Variants in AHRR observed in about 807,000 individuals in gnomAD.
AHRR encodes aryl hydrocarbon receptor repressor.
In AHRR, 28 loss-of-function variants were observed where a neutral mutation model predicts 44.0. The ratio of observed to expected loss-of-function variants is 0.64; its 90% CI spans 0.47 to 0.87. The LOEUF (loss-of-function observed/expected upper bound fraction) is 0.87. Ranked by LOEUF, AHRR falls within the 40% of genes least tolerant of loss-of-function variation. AHRR has a pLI of 0.00. For synonymous variants in AHRR, 434 were observed against 407.0 expected, an observed-to-expected ratio of 1.07 and a Z score of -0.80; for missense variants, 990 against 953.9, an observed-to-expected ratio of 1.04 and a Z score of -0.50.
chr5:352,380 G>T (rs551595927), intron 2 of AHRR, among the ~76,000 whole-genome samples: 1 of 150,698 alleles, frequency 6.6e-6, no homozygotes, highest in Admixed American at 6.6e-5. Context: ...GGTTAAATGG[G>T]TCAGCTGTAG....
At chr5:389,949 G>C (rs1195440579) in intron 4 of AHRR, among the ~76,000 whole-genome samples, 1 of 133,756 alleles carries the variant, frequency 7.5e-6, no homozygotes, top group African/African-American at 2.8e-5. Flanking sequence ...AAGGGAGGGA[G>C]GGGGAGGGGA....
At chr5:373,940 G>A (rs1178090882) in intron 3 of AHRR, among the ~76,000 whole-genome samples, 1 of 151,360 alleles carries the variant, frequency 6.6e-6, no homozygotes, top group Non-Finnish European at 1.5e-5. Flanking sequence ...GGGGGAAGTG[G>A]GCGGGCGCCC....
intron 3 of AHRR, among the ~76,000 whole-genome samples, chr5:359,732 G>A (rs747661166): frequency 6.6e-6 from 1 of 152,086 alleles, no homozygotes; most frequent in Admixed American, 6.5e-5. Context: ...CCCCTCCTGG[G>A]GTCAGTCCTG....
chr5:361,518 C>G (rs1236256332), intron 3 of AHRR, among the ~76,000 whole-genome samples: 2 of 152,204 alleles, frequency 1.3e-5, no homozygotes, highest in African/African-American at 4.8e-5. Context: ...ACCACAGGCA[C>G]AGGGCAGGGC....
intron 4 of AHRR, among the ~76,000 whole-genome samples, chr5:390,613 G>T (rs1015441674): frequency 6.6e-6 from 1 of 152,170 alleles, no homozygotes; most frequent in African/African-American, 2.4e-5. Flanking sequence ...CCTGAGAGAC[G>T]CCGGGGGTCA....
At chr5:375,457 G>A (rs1173347674) in intron 3 of AHRR, among the ~76,000 whole-genome samples, 1 of 152,196 alleles carries the variant, frequency 6.6e-6, no homozygotes, top group Non-Finnish European at 1.5e-5. Flanking sequence ...CGCGGAAGTG[G>A]GCAGATCCGG....
chr5:397,743 T>TCCTGACCGTCCATGTTAGCC (rs1734800850), intron 4 of AHRR, among the ~76,000 whole-genome samples: 7 of 75,652 alleles, frequency 9.3e-5, no homozygotes, highest in Admixed American at 6.9e-4. Context: ...TCCACGTAGC[T>TCCTGACCGTCCATGTTAGCC]CCTGACCGTC....
rs921549696 is a variant in AHRR, at chr5:326,947, T to C, written c.-11+5128T>C. On this transcript the variant is annotated intron_variant, in intron 1 of 10. Coordinates refer to ENST00000684583, the MANE Select transcript of AHRR (RefSeq NM_001377236.1). This position sits in a 1 kb window ranked among gnomAD's most constrained non-coding sequence, Gnocchi z 4.1. ...GGTGGCACGCGCCTGTAGTCCCAGC[T>C]ACTCAGGAGGCTGAGGCAGGAGAAT... is the stretch of plus-strand genomic sequence containing the variant. Among the ~76,000 whole-genome samples, 5 of 152,046 alleles carry C rather than the reference T, an allele frequency of 3.3e-5. No individual in the cohort carries two copies. Among genetic ancestry groups the C allele is most frequent in the Non-Finnish European group, 5.9e-5 (4 of 68,002 alleles).
chr5:413,228 G>A (rs1264137870), intron 4 of AHRR, 116 bp from the exon 5 acceptor site: 9 of 685,780 alleles, frequency 1.3e-5, no homozygotes, highest in African/African-American at 1.8e-5. Flanking sequence ...TAGAGGTTAT[G>A]AATATGGACT....
At chr5:423,286 C>T (rs949099192) in intron 6 of AHRR, among the ~76,000 whole-genome samples, 3 of 152,216 alleles carry the variant, frequency 2.0e-5, no homozygotes, top group Admixed American at 6.5e-5. Flanking sequence ...CCCCTTTTCA[C>T]AGAAGACCCC....
In AHRR at chr5:387,279, A is replaced by G. The variant is rs1233273056; in HGVS notation, c.351+10563A>G. 1.3e-5 allele frequency among the ~76,000 whole-genome samples: 2 copies of G among 152,158 alleles called. No individual in the cohort carries two copies. The highest frequency in any genetic ancestry group is 2.9e-5 in the Non-Finnish European group (2 of 68,032). On this transcript the variant is annotated intron_variant, in intron 4 of 10. Transcript: ENST00000684583. The surrounding 1 kb of genome is among the most constrained non-coding windows in gnomAD (Gnocchi z 5.1). ...TCCCCCACCCTGCTGCCTCCTGGGG[A>G]TGACTCCTGGTCTTCTGATGAGAAA...
chr5:401,898 G>T (rs1248804456), intron 4 of AHRR, among the ~76,000 whole-genome samples: 3 of 152,222 alleles, frequency 2.0e-5, no homozygotes, highest in African/African-American at 7.2e-5. Context: ...ACCTACAGAG[G>T]AGGAGTATTC....
chr5:376,552 A>ATGAGACCCGTGGGGGGAACGCGGG, intron 3 of AHRR, 58 bp from the exon 4 acceptor site: 1 of 1,409,246 alleles, frequency 7.1e-7, no homozygotes, highest in Non-Finnish European at 9.6e-7. Context: ...ATGTGAATGA[A>ATGAGACCCGTGGGGGGAACGCGGG]GAAGAGTGGC....
intron 8 of AHRR, among the ~76,000 whole-genome samples, chr5:431,423 G>A (rs72717418): frequency 0.14 from 21,055 of 152,214 alleles, 1,892 homozygotes; most frequent in Non-Finnish European, 0.19. Context: ...AAGGCTTTTG[G>A]AATTCTCCCC....
chr5:336,837 T>C (rs4957023), intron 1 of AHRR, among the ~76,000 whole-genome samples: 54,222 of 152,030 alleles, frequency 0.36, 12,078 homozygotes, highest in South Asian at 0.51. Flanking sequence ...ATTTTTTTCA[T>C]ATTGTGTGAG....
intron 3 of AHRR, among the ~76,000 whole-genome samples, chr5:372,584 G>T (rs1181410684): frequency 6.6e-6 from 1 of 152,104 alleles, no homozygotes; most frequent in Non-Finnish European, 1.5e-5. Context: ...GGAAACTTCA[G>T]CCGCAGTCGC....
At chr5:362,325 T>C (rs1388558252) in intron 3 of AHRR, among the ~76,000 whole-genome samples, 1 of 152,212 alleles carries the variant, frequency 6.6e-6, no homozygotes, top group Non-Finnish European at 1.5e-5. Context: ...CTTTCTGTTG[T>C]TTAAATCATT....
chr5:390,172 C>T (rs902238872), intron 4 of AHRR, among the ~76,000 whole-genome samples: 1 of 152,142 alleles, frequency 6.6e-6, no homozygotes, highest in African/African-American at 2.4e-5. Flanking sequence ...GTAACTTAAT[C>T]GTACATTTAA....
chr5:344,113 G>A (rs1742475512), intron 2 of AHRR, 149 bp downstream of exon 2: 3 of 766,140 alleles, frequency 3.9e-6, no homozygotes, highest in South Asian at 1.8e-5. Flanking sequence ...CGGCGCGGGC[G>A]GCGCAGGAGT....
Sources: gnomAD v4.1 joint callset for allele counts (sites outside exome capture counted in the v4.1 genomes callset) on GRCh38, gnomAD v4.1.1 for gene constraint, Gnocchi (gnomAD v3.1) non-coding constraint, MANE v1.5 for transcripts, NCBI Gene and HGNC (gene_info 2026-07-23, HGNC 2026-07-21) for gene names.